The following MAPT variants were observed in gnomAD, a reference collection of about 807,000 sequenced individuals.
MAPT encodes the protein microtubule associated protein tau, also known as microtubule-associated protein tau.
A neutral mutation model predicts 67.9 loss-of-function variants in MAPT; 34 were observed. The observed-to-expected ratio is 0.50, with a 90% CI of 0.38 to 0.67. The LOEUF (loss-of-function observed/expected upper bound fraction) is 0.67. MAPT is among the 30% of genes least tolerant of loss of function. The pLI is 0.00. For missense variants in MAPT, 881 were observed against 1,115.2 expected (o/e 0.79, Z 2.99); for synonymous variants, 456 against 464.5 (o/e 0.98, Z 0.23).
At chr17:45,941,695 C>CCTCT (rs2067956178) in intron 1 of MAPT, among the ~76,000 whole-genome samples, 1 of 69,892 alleles carries the variant, frequency 1.4e-5, no homozygotes, top group African/African-American at 6.4e-5. Flanking sequence ...TCCTTCCTTC[C>CCTCT]TTCCTGCCTG....
chr17:45,934,854 T>A (rs893428038), intron 1 of MAPT, among the ~76,000 whole-genome samples: 6 of 151,876 alleles, frequency 4.0e-5, no homozygotes, highest in African/African-American at 1.4e-4. Flanking sequence ...AGACAGAAGG[T>A]GGACCCTGGA....
At position 45,995,645 on chromosome 17, in the gene MAPT, T is replaced by C. The variant is rs1263752343; in HGVS notation, c.1733-754T>C. Among the ~76,000 whole-genome samples the C allele has an allele frequency of 1.3e-5, 2 of 152,000 alleles. No homozygotes were observed. The highest frequency in any genetic ancestry group is 4.8e-5 in the African/African-American group (2 of 41,400). On this transcript the variant is annotated intron_variant, in intron 8 of 12. Transcript: ENST00000262410. The surrounding 1 kb of genome is among the most constrained non-coding windows in gnomAD (Gnocchi z 4.3). ...AGACCCCCCAGCAGCTTCCAGGGTG[T>C]TGGAAGGGTGCGCTAGTAACTGCTA...
chr17:46,014,044 G>A (rs1039447221), intron 10 of MAPT, among the ~76,000 whole-genome samples, 199 bp from the exon 11 acceptor site: 5 of 152,104 alleles, frequency 3.3e-5, no homozygotes, highest in African/African-American at 7.2e-5. Flanking sequence ...GCAGAATTTC[G>A]ACAACACATT....
At position 45,989,922 on chromosome 17, in the gene MAPT, C is replaced by T; in HGVS notation, c.1452C>T (p.Cys484=). 2 of 1,614,184 alleles carry T rather than the reference C, an allele frequency of 1.2e-6. No individual in the cohort carries two copies. The highest frequency in any genetic ancestry group is 1.7e-6 in the Non-Finnish European group (2 of 1,180,030). Residue 484 remains cysteine (C), a synonymous_variant, in exon 7 of 13, where the codon TGC becomes TGT. Coordinates refer to ENST00000262410, the MANE Select transcript of MAPT (RefSeq NM_001377265.1). The part of the protein sequence containing the change: ...SSAKTLKNRP[C]LSPKHPTPGS... ...CTAAAACCTTGAAAAATAGGCCTTG[C>T]CTTAGCCCCAAACACCCCACTCCTG...
chr17:45,914,205 G>GAGGGTGTGGGCAGCC (rs141801658), intron 1 of MAPT, among the ~76,000 whole-genome samples: 15,696 of 148,806 alleles, frequency 0.11, 1,005 homozygotes, highest in Middle Eastern at 0.15. Context: ...TCAGGGATCT[G>GAGGGTGTGGGCAGCC]AGGGTGTGGG....
chr17:45,970,703 A>G (rs2071572941), intron 2 of MAPT, among the ~76,000 whole-genome samples: 1 of 152,246 alleles, frequency 6.6e-6, no homozygotes. Flanking sequence ...AGGCAGGTCC[A>G]AGGCCACCTG....
intron 9 of MAPT, among the ~76,000 whole-genome samples, chr17:46,004,941 A>G (rs1049404450): frequency 6.6e-6 from 1 of 151,962 alleles, no homozygotes; most frequent in African/African-American, 2.4e-5. Flanking sequence ...CCGCCACCAC[A>G]CCTGGCTAAT....
rs1460680349 is a variant in MAPT at position 45,983,011 on chromosome 17, C to G, written c.432C>G (p.Pro144=). ...TCGGGGAGAAAGAGCCAGAAGCTCC[C>G]GTCCCGCTGACCGCGAGCCTTCCTC... The part of the protein sequence containing the change: ...PCLGEKEPEA[P]VPLTASLPQH... The change falls in exon 5 of 13, where the codon CCC becomes CCG. Residue 144 remains proline (P), a synonymous_variant. Transcript: ENST00000262410. 6.9e-7 allele frequency: 1 copy of G among 1,458,988 alleles called. No homozygotes were observed. The highest frequency in any genetic ancestry group is 1.4e-5 in the South Asian group (1 of 70,412). 90.4% of individuals were successfully genotyped at this position (1,458,988 alleles called of 1,614,324 possible). A position where few individuals can be genotyped will look rare whatever the true frequency, so the allele number is the denominator to read the frequency against.
rs746904464 is a variant in MAPT, at chr17:45,962,392, G to A, written c.55G>A (p.Gly19Arg). 1.2e-5 allele frequency: 20 copies of A among 1,612,544 alleles called. No homozygotes were observed. The highest frequency in any genetic ancestry group is 2.0e-4 in the Middle Eastern group (1 of 5,030). The change falls in exon 2 of 13, where the codon GGG (glycine) becomes AGG (arginine). Residue 19 changes from glycine to arginine, a missense_variant. Physicochemically the swap from Gly to Arg is moderately radical, Grantham distance 125. Around this residue, in one of 6 missense-constraint regions of MAPT, gnomAD observed 687 missense variants for 766.1 expected, o/e 0.90. Transcript: ENST00000262410. ...EVMEDHAGTY[G>R]LGDRKDQGGY... Reference sequence around the variant, plus strand: ...GATGGAAGATCACGCTGGGACGTACGGGTTGGGGGACAGGAAAGATCAGGG... The same window carrying A: ...GATGGAAGATCACGCTGGGACGTACAGGTTGGGGGACAGGAAAGATCAGGG...
chr17:46,020,723 A>T (rs1311885042), intron 12 of MAPT, among the ~76,000 whole-genome samples: 1 of 151,940 alleles, frequency 6.6e-6, no homozygotes, highest in African/African-American at 2.4e-5. Context: ...ATCTCGGGAG[A>T]CTTATTCACT....
chr17:45,984,701 G>A (rs2073365943), intron 5 of MAPT, among the ~76,000 whole-genome samples: 2 of 152,332 alleles, frequency 1.3e-5, no homozygotes, highest in South Asian at 2.1e-4. Flanking sequence ...TCCTCATGCT[G>A]GCATTGGAGG....
At chr17:45,973,529 T>C (rs1366347591) in intron 3 of MAPT, 1 of 152,252 alleles carries the variant, frequency 6.6e-6, no homozygotes. Context: ...GAGGGAACAC[T>C]GCTGGGGCTG....
At chr17:45,968,538 G>A (rs1385769670) in intron 2 of MAPT, among the ~76,000 whole-genome samples, 4 of 152,234 alleles carry the variant, frequency 2.6e-5, no homozygotes, top group Non-Finnish European at 5.9e-5. Context: ...CACAGAGGGA[G>A]TGTTTGCAAT....
chr17:45,934,011 TAAGA>T (rs1347748281), intron 1 of MAPT, among the ~76,000 whole-genome samples: 2 of 152,158 alleles, frequency 1.3e-5, no homozygotes, highest in African/African-American at 4.8e-5. Flanking sequence ...TACTCTGAAT[TAAGA>T]AAGAGACTTC....
chr17:45,964,002 C>T (rs920498590), intron 2 of MAPT, among the ~76,000 whole-genome samples: 56 of 152,092 alleles, frequency 3.7e-4, no homozygotes, highest in Admixed American at 6.5e-5. Flanking sequence ...GTTCCAGAAG[C>T]TCTGGGTGAG....
intron 1 of MAPT, among the ~76,000 whole-genome samples, chr17:45,953,930 A>G (rs983941390): frequency 4.6e-5 from 7 of 152,204 alleles, no homozygotes; most frequent in African/African-American, 1.7e-4. Context: ...ACCCAACATG[A>G]AAAGCAGAAC....
chr17:45,984,169 G>A (rs1462108006), intron 5 of MAPT, among the ~76,000 whole-genome samples: 1 of 152,178 alleles, frequency 6.6e-6, no homozygotes, highest in Admixed American at 6.5e-5. Flanking sequence ...CAGCACCCCC[G>A]CTCCGTGCTA....
chr17:46,020,573 A>C (rs377220346), intron 12 of MAPT, among the ~76,000 whole-genome samples: 238 of 152,320 alleles, frequency 1.6e-3, no homozygotes, highest in African/African-American at 5.6e-3. Flanking sequence ...AGTCTAAAAG[A>C]TAGAGGTCTG....
At chr17:45,911,636 C>T (rs763256988) in intron 1 of MAPT, among the ~76,000 whole-genome samples, 3 of 151,992 alleles carry the variant, frequency 2.0e-5, no homozygotes, top group Non-Finnish European at 2.9e-5. Flanking sequence ...TGGCGGTGTG[C>T]GCTTGTAGTC....
Sources: gnomAD v4.1 joint callset for allele counts (sites outside exome capture counted in the v4.1 genomes callset) on GRCh38, gnomAD v4.1.1 for gene constraint, gnomAD v4.1.1 regional missense constraint, Gnocchi (gnomAD v3.1) non-coding constraint, MANE v1.5 for transcripts, NCBI Gene and HGNC (gene_info 2026-07-23, HGNC 2026-07-21) for gene names.